The following NEBL variants were observed in gnomAD, a reference collection of about 807,000 sequenced individuals.
NEBL encodes nebulette, also known as LIM and SH3 protein 2.
Under a neutral mutation model 140.2 loss-of-function variants are expected in NEBL, and 122 were observed. The observed-to-expected ratio is 0.87, with a 90% confidence interval of 0.75 to 1.01. NEBL has a LOEUF of 1.01. Ranked by LOEUF, NEBL falls within the 50% of genes least tolerant of loss-of-function variation. NEBL has a pLI of 0.00. For synonymous variants in NEBL, 436 were observed against 398.9 expected (o/e 1.09, Z -1.11); for missense variants, 1,365 against 1,231.3 (o/e 1.11, Z -1.62).
intron 3 of NEBL, among the ~76,000 whole-genome samples, chr10:20,980,565 G>A (rs1167522799): frequency 6.6e-6 from 1 of 152,128 alleles, no homozygotes; most frequent in Non-Finnish European, 1.5e-5. Flanking sequence ...TAGCATGGAG[G>A]TGACCACCAG....
In NEBL at chr10:20,808,521, G is replaced by A; in HGVS notation, c.2750C>T (p.Ser917Phe). Residue 917 changes from serine to phenylalanine, a missense_variant, in exon 26 of 28, where the codon TCT (serine) becomes TTT (phenylalanine). Physicochemically the swap from Ser to Phe is radical, Grantham distance 155. This residue lies in a region of NEBL where 1,323 missense variants were observed against 1,154.8 expected (regional missense o/e 1.15). Transcript: ENST00000377122. ...FSCCSEVTRP[S>F]DEGAPVLPGA... ...TGAATGTTTGATACCTCCTTCATCA[G>A]ACGGTCTTGTTACCTCACTGCAGCA... is the stretch of plus-strand genomic sequence containing the variant. The A allele has an allele frequency of 1.2e-6, 2 of 1,613,866 alleles. No homozygotes were observed. The highest frequency in any genetic ancestry group is 1.7e-6 in the Non-Finnish European group (2 of 1,179,864).
At chr10:21,214,858 C>T (rs1841968489) in intron 3 of NEBL, among the ~76,000 whole-genome samples, 1 of 152,228 alleles carries the variant, frequency 6.6e-6, no homozygotes, top group Admixed American at 6.5e-5. Context: ...AGAGAATATC[C>T]TGTGTTCTTT....
At chr10:21,291,533 C>G (rs910255567) in intron 1 of NEBL, among the ~76,000 whole-genome samples, 1 of 150,300 alleles carries the variant, frequency 6.7e-6, no homozygotes, top group Non-Finnish European at 1.5e-5. Context: ...GAAGAAGAAG[C>G]CTACAAGAGT....
intron 2 of NEBL, among the ~76,000 whole-genome samples, chr10:21,091,128 C>T (rs1366603553): frequency 6.6e-6 from 1 of 152,164 alleles, no homozygotes; most frequent in East Asian, 1.9e-4. Flanking sequence ...GGGTTCAAGC[C>T]TCCATCATCT....
At chr10:21,128,933 C>T (rs1356887320) in intron 2 of NEBL, among the ~76,000 whole-genome samples, 2 of 152,114 alleles carry the variant, frequency 1.3e-5, no homozygotes, top group Non-Finnish European at 2.9e-5. Context: ...TCATATAAGC[C>T]ACATGCATAT....
At chr10:21,046,624 G>A (rs1438025117) in intron 2 of NEBL, among the ~76,000 whole-genome samples, 2 of 152,106 alleles carry the variant, frequency 1.3e-5, no homozygotes, top group African/African-American at 2.4e-5. Context: ...TTTTTGAGAC[G>A]GAGTGTGACT....
At chr10:21,138,026 G>T (rs564013027) in intron 2 of NEBL, among the ~76,000 whole-genome samples, 18 of 152,002 alleles carry the variant, frequency 1.2e-4, no homozygotes, top group Middle Eastern at 3.4e-3. Flanking sequence ...TGCTGCGAAT[G>T]GTGGGTATCG....
chr10:20,804,134 CAGAG>C (rs1837399310), intron 26 of NEBL, among the ~76,000 whole-genome samples: 1 of 151,838 alleles, frequency 6.6e-6, no homozygotes, highest in Non-Finnish European at 1.5e-5. Context: ...GTTGGGCATG[CAGAG>C]AGAGACAAAT....
chr10:20,826,599 G>T (rs561441503), intron 17 of NEBL, 60 bp from the exon 18 acceptor site: 1 of 1,285,480 alleles, frequency 7.8e-7, no homozygotes, highest in African/African-American at 1.5e-5. Context: ...TCCTAGATCC[G>T]CTTCTTAGAA....
At chr10:20,913,345 C>T (rs995057492) in intron 4 of NEBL, among the ~76,000 whole-genome samples, 1 of 152,198 alleles carries the variant, frequency 6.6e-6, no homozygotes, top group African/African-American at 2.4e-5. Context: ...AAGGTACACT[C>T]CTGAAACAAG....
At chr10:21,000,577 G>A (rs1837853860) in intron 3 of NEBL, among the ~76,000 whole-genome samples, 1 of 152,120 alleles carries the variant, frequency 6.6e-6, no homozygotes, top group South Asian at 2.1e-4. Context: ...TGCAAAGGAA[G>A]GAGCAAAACA....
intron 4 of NEBL, among the ~76,000 whole-genome samples, chr10:20,952,068 C>T (rs1835499315): frequency 6.6e-6 from 1 of 152,190 alleles, no homozygotes; most frequent in Admixed American, 6.5e-5. Context: ...AAAAACTTCA[C>T]TACACTCTAA....
chr10:20,799,972 C>T (rs897355098), intron 26 of NEBL, among the ~76,000 whole-genome samples: 13 of 151,872 alleles, frequency 8.6e-5, no homozygotes, highest in South Asian at 2.1e-4. Context: ...AGAGAGCGCA[C>T]GCGTGTGAGA....
At chr10:21,116,303 T>C (rs547862030) in intron 2 of NEBL, among the ~76,000 whole-genome samples, 11 of 152,266 alleles carry the variant, frequency 7.2e-5, no homozygotes, top group African/African-American at 2.4e-4. Flanking sequence ...GTGAGAGCCC[T>C]CTTTTTGGTT....
intron 3 of NEBL, among the ~76,000 whole-genome samples, chr10:20,978,382 C>G (rs1836888476): frequency 6.6e-6 from 1 of 151,588 alleles, no homozygotes; most frequent in African/African-American, 2.4e-5. Flanking sequence ...ATTTGTGAGT[C>G]TATCCTATTT....
At chr10:20,840,947 T>C (rs1841360652) in intron 12 of NEBL, 98 bp from the exon 13 acceptor site, 2 of 756,114 alleles carry the variant, frequency 2.6e-6, no homozygotes, top group Non-Finnish European at 4.5e-6. Flanking sequence ...AATGAGAAAA[T>C]ATTACTAGGA....
At chr10:20,809,756 C>T in intron 25 of NEBL, 50 bp downstream of exon 25, 1 of 1,401,954 alleles carries the variant, frequency 7.1e-7, no homozygotes, top group Non-Finnish European at 1.0e-6. Context: ...CAGTGGTTCA[C>T]TTTTGGGACA....
rs541744253 is a variant in NEBL at position 20,993,341 on chromosome 10, C to G, written c.249+26776G>C. Among the ~76,000 whole-genome samples, 42 of 152,260 alleles carry G rather than the reference C, an allele frequency of 2.8e-4. No homozygotes were observed. In the South Asian group the frequency reaches 6.4e-3, roughly 23 times the overall value. On this transcript the variant is annotated intron_variant, in intron 3 of 6. Transcript: ENST00000417816. ...TTACTGGTAAGGTGAGAACAAGGATCTAAATGTAAAAGGAGCTTATTAATC... is the reference window on the plus strand; with the variant it reads ...TTACTGGTAAGGTGAGAACAAGGATGTAAATGTAAAAGGAGCTTATTAATC...
intron 14 of NEBL, among the ~76,000 whole-genome samples, chr10:20,833,279 C>T (rs377414261): frequency 7.2e-4 from 110 of 152,262 alleles, no homozygotes; most frequent in African/African-American, 2.4e-3. Flanking sequence ...AAGAAAGTCA[C>T]ATGGTCAAGC....
Sources: gnomAD v4.1 joint callset for allele counts (sites outside exome capture counted in the v4.1 genomes callset) on GRCh38, gnomAD v4.1.1 for gene constraint, gnomAD v4.1.1 regional missense constraint, MANE v1.5 for transcripts, NCBI Gene and HGNC (gene_info 2026-07-23, HGNC 2026-07-21) for gene names.